Variants in ARHGEF5 observed in about 807,000 individuals in gnomAD.
ARHGEF5 encodes the protein Rho guanine nucleotide exchange factor 5, also known as Rho guanine nucleotide exchange factor (GEF) 5.
Under a neutral mutation model 104.0 loss-of-function variants are expected in ARHGEF5, and 11 were observed. The observed-to-expected ratio is 0.11, with a 90% CI of 0.07 to 0.18. ARHGEF5 has a LOEUF of 0.18. ARHGEF5 is among the 10% of genes least tolerant of loss of function. The pLI is 1.00. For synonymous variants in ARHGEF5, 60 were observed against 512.2 expected, an observed-to-expected ratio of 0.12 and a Z score of 11.92; for missense variants, 165 against 1,335.4, an observed-to-expected ratio of 0.12 and a Z score of 13.66.
chr7:144,379,934 C>G lies in ARHGEF5; in HGVS notation c.4672C>G (p.Arg1558Gly). 6.2e-7 allele frequency: 1 copy of G among 1,614,184 alleles called. No individual in the cohort carries two copies. The highest frequency in any genetic ancestry group is 8.5e-7 in the Non-Finnish European group (1 of 1,180,032). ...LEGVRLSDGE[R>G]GWFPVQQVEF... ...GGGCGTGAGGCTCTCAGACGGGGAG[C>G]GAGGCTGGTTTCCTGTGCAGCAGGT... The change falls in exon 15 of 15, where the codon CGA becomes GGA. Residue 1558 changes from arginine to glycine, a missense_variant. Arg to Gly is a moderately radical substitution (Grantham distance 125). Transcript: ENST00000056217.
Position 144,359,889 on chromosome 7 carries a change from G to A in ARHGEF5, c.-12-2769G>A, listed in dbSNP as rs143521912. Among the ~76,000 whole-genome samples, 824 of 144,360 alleles carry A rather than the reference G, an allele frequency of 5.7e-3. 6 individuals carry two copies. The highest frequency in any genetic ancestry group is 0.053 in the Admixed American group (725 of 13,702). 94.7% of individuals were successfully genotyped at this position (144,360 alleles called of 152,430 possible). A position where few individuals can be genotyped will look rare whatever the true frequency, so the allele number is the denominator to read the frequency against. On this transcript the variant is annotated intron_variant, in intron 1 of 14. Transcript: ENST00000056217. The stretch of plus-strand genomic sequence containing the variant: ...TGTATGGAGAAAGGACTGGAATAGC[G>A]TGAAATGGGTGGAGGCCAGTGCCCA...
At chr7:144,377,278 C>G (rs2053767789) in intron 13 of ARHGEF5, 88 bp downstream of exon 13, 2 of 1,551,770 alleles carry the variant, frequency 1.3e-6, no homozygotes, top group Non-Finnish European at 1.7e-6. Context: ...GGTGGGAACT[C>G]TAGGCTTTCA....
At chr7:144,362,582 CT>C (rs2053648326) in intron 1 of ARHGEF5, 75 bp from the exon 2 acceptor site, 1 of 879,026 alleles carries the variant, frequency 1.1e-6, no homozygotes, top group Non-Finnish European at 1.7e-6. Context: ...ATGCATCACT[CT>C]TCTTTTTTAT....
chr7:144,373,863 C>T (rs2053741088), intron 10 of ARHGEF5, among the ~76,000 whole-genome samples: 1 of 146,494 alleles, frequency 6.8e-6, no homozygotes, highest in Non-Finnish European at 1.5e-5. Context: ...TTTTTTTTGA[C>T]AGAGTCTCAC....
Position 144,380,073 on chromosome 7 carries a change from G to GT in ARHGEF5, c.*20dup. On this transcript the variant is annotated 3_prime_UTR_variant, in exon 15 of 15. Transcript: ENST00000056217. Reference sequence around the variant, plus strand: ...CAAGCCTAAGTCTTCTCTGAGAGGAGTTTCGTGAGCTGAAGAACAAGCTGC... The same window carrying GT: ...CAAGCCTAAGTCTTCTCTGAGAGGAGTTTTCGTGAGCTGAAGAACAAGCTGC... 6.2e-7 allele frequency: 1 copy of GT among 1,614,022 alleles called. No homozygotes were observed. The highest frequency in any genetic ancestry group is 8.5e-7 in the Non-Finnish European group (1 of 1,179,908).
rs1251933505 is a variant in ARHGEF5, at chr7:144,377,189, C to T, written c.4530C>T (p.Tyr1510=). The change falls in exon 13 of 15, where the codon TAC becomes TAT. Residue 1510 remains tyrosine (Y), a splice_region_variant and synonymous_variant. Transcript: ENST00000056217. The stretch of plus-strand genomic sequence containing the variant: ...AGGAGTTGGACCTTCTGGAGTGTTA[C>T]AGTGAGTGAGGGTCTAAGAGGGAGA... ...PREELDLLEC[Y]NSPQVQCLRA... is the part of the protein sequence containing the mutation. 3.4e-6 allele frequency: 5 copies of T among 1,474,756 alleles called. No individual in the cohort carries two copies. The African/African-American group carries it at 7.1e-5, about 21-fold the overall frequency. 91.4% of individuals were successfully genotyped at this position (1,474,756 alleles called of 1,614,324 possible).
Position 144,379,956 on chromosome 7 carries a change from A to T in ARHGEF5, c.4694A>T (p.Gln1565Leu). Residue 1565 changes from glutamine to leucine, a missense_variant, in exon 15 of 15, where the codon CAG (glutamine) becomes CTG (leucine). Coordinates refer to ENST00000056217, the MANE Select transcript of ARHGEF5 (RefSeq NM_005435.4). ...DGERGWFPVQ[Q>L]VEFISNPEVR... ...GAGCGAGGCTGGTTTCCTGTGCAGC[A>T]GGTGGAGTTCATTTCCAACCCAGAG... 1 of 1,614,210 alleles carries T rather than the reference A, an allele frequency of 6.2e-7. No homozygotes were observed. Among genetic ancestry groups the T allele is most frequent in the Non-Finnish European group, 8.5e-7 (1 of 1,180,030 alleles).
intron 10 of ARHGEF5, among the ~76,000 whole-genome samples, chr7:144,373,880 G>A (rs2266927): frequency 0.78 from 106,463 of 135,826 alleles, 39,557 homozygotes; most frequent in Middle Eastern, 0.86. Flanking sequence ...TCACTCTGTC[G>A]CCCCAGGCTA....
At chr7:144,379,034 G>T (rs1225964600) in intron 14 of ARHGEF5, among the ~76,000 whole-genome samples, 168 bp downstream of exon 14, 1 of 152,174 alleles carries the variant, frequency 6.6e-6, no homozygotes, top group African/African-American at 2.4e-5. Flanking sequence ...CCAAATCAAG[G>T]TGTGGGCAGA....
intron 1 of ARHGEF5, among the ~76,000 whole-genome samples, chr7:144,358,464 G>C (rs1410083824): frequency 1.7e-4 from 2 of 11,696 alleles, no homozygotes; most frequent in East Asian, 4.3e-3. Context: ...ATTATTCGAT[G>C]TGTGGTTGAG....
chr7:144,358,758 AGTGTGTGTGTGTGT>A lies in ARHGEF5; in HGVS notation c.-13+3288_-13+3301del, dbSNP rs71222348. ...TTGCAAGAGTTTGTAAGGATGGCTC[AGTGTGTGTGTGTGT>A]GTGTGTGTGTGTGTGTGTGTGTGTG... is the stretch of plus-strand genomic sequence containing the variant. On this transcript the variant is annotated intron_variant, in intron 1 of 14. Coordinates refer to ENST00000056217, the MANE Select transcript of ARHGEF5 (RefSeq NM_005435.4). Among the ~76,000 whole-genome samples the A allele has an allele frequency of 1.5e-4, 14 of 90,896 alleles. No individual in the cohort carries two copies. In the East Asian group the frequency reaches 1.7e-3, roughly 11 times the overall value. 59.6% of individuals were successfully genotyped at this position (90,896 alleles called of 152,430 possible).
At position 144,357,196 on chromosome 7, in the gene ARHGEF5, G is replaced by A. The variant is rs577385334; in HGVS notation, c.-13+1695G>A. 6.5e-4 allele frequency among the ~76,000 whole-genome samples: 82 copies of A among 126,140 alleles called. 2 individuals carry two copies. Among genetic ancestry groups the A allele is most frequent in the African/African-American group, 2.5e-3 (76 of 30,264 alleles). The allele number at this position is 126,140 out of a possible 152,430, so 82.8% of individuals were successfully genotyped here. A position where few individuals can be genotyped will look rare whatever the true frequency, so the allele number is the denominator to read the frequency against. On this transcript the variant is annotated intron_variant, in intron 1 of 14. Coordinates refer to ENST00000056217, the MANE Select transcript of ARHGEF5 (RefSeq NM_005435.4). The stretch of plus-strand genomic sequence containing the variant: ...AAGGTCTGTGTTAATACACAAACAC[G>A]TCACTCACACTAATGTTATCTGTGT...
At chr7:144,377,627 T>C (rs2053770476) in intron 13 of ARHGEF5, among the ~76,000 whole-genome samples, 1 of 152,082 alleles carries the variant, frequency 6.6e-6, no homozygotes, top group African/African-American at 2.4e-5. Context: ...TGGGTGCCCA[T>C]GGGGAGCCAC....
At position 144,365,400 on chromosome 7, in the gene ARHGEF5, TC is replaced by T; in HGVS notation, c.2733del (p.Thr912ProfsTer17). ...AGCTAGATCAACAGAGTCTTTCACT[TC>T]CACCAGCAGGAGTAAGAGCGAAGTG... Reference protein sequence around the residue: ...ATARSTESFTSTSRSKSEVSP... With the variant: ...ATARSTESFTXTSRSKSEVSP... On this transcript the variant is annotated frameshift_variant, in exon 2 of 15. Coordinates refer to ENST00000056217, the MANE Select transcript of ARHGEF5 (RefSeq NM_005435.4). LOFTEE classifies it high-confidence loss of function. 6.3e-7 allele frequency: 1 copy of T among 1,579,512 alleles called. No individual in the cohort carries two copies. Among genetic ancestry groups the T allele is most frequent in the Non-Finnish European group, 8.6e-7 (1 of 1,159,326 alleles).
chr7:144,378,205 C>A (rs2053775067), intron 13 of ARHGEF5, among the ~76,000 whole-genome samples: 1 of 152,166 alleles, frequency 6.6e-6, no homozygotes, highest in Non-Finnish European at 1.5e-5. Context: ...TGATCAATAA[C>A]CATCTTGATC....
chr7:144,361,393 A>G (rs1340038421), intron 1 of ARHGEF5, among the ~76,000 whole-genome samples: 6 of 138,246 alleles, frequency 4.3e-5, no homozygotes, highest in Non-Finnish European at 6.5e-5. Flanking sequence ...TCTTCTTTGG[A>G]ATTAACAACA....
At chr7:144,373,671 GC>G (rs1256565318) in intron 10 of ARHGEF5, among the ~76,000 whole-genome samples, 1 of 109,788 alleles carries the variant, frequency 9.1e-6, no homozygotes, top group African/African-American at 3.5e-5. Context: ...TTCAGGATGA[GC>G]CTTTATAAAA....
rs1731155 is a variant in ARHGEF5 at position 144,360,884 on chromosome 7, A to T, written c.-12-1774A>T. Among the ~76,000 whole-genome samples, 35 of 145,654 alleles carry T rather than the reference A, an allele frequency of 2.4e-4. 1 individual carries two copies. The highest frequency in any genetic ancestry group is 6.5e-4 in the South Asian group (3 of 4,624). On this transcript the variant is annotated intron_variant, in intron 1 of 14. Transcript: ENST00000056217. The stretch of plus-strand genomic sequence containing the variant: ...TAAATGCTACAAAGGAAAAGTAAAG[A>T]GAATTATAGTTGGTAAGTGCTACAA...
rs950847426 is a variant in ARHGEF5 at position 144,360,139 on chromosome 7, T to G, written c.-12-2519T>G. 3.4e-5 allele frequency among the ~76,000 whole-genome samples: 4 copies of G among 118,574 alleles called. 1 individual carries two copies. Among genetic ancestry groups the G allele is most frequent in the Non-Finnish European group, 5.4e-5 (3 of 55,552 alleles). The allele number at this position is 118,574 out of a possible 152,430, so 77.8% of individuals were successfully genotyped here. On this transcript the variant is annotated intron_variant, in intron 1 of 14. Coordinates refer to ENST00000056217, the MANE Select transcript of ARHGEF5 (RefSeq NM_005435.4). ...AGAGACAGAGTCTCACTCTGTCACC[T>G]AGGCTGGAGAGCAGTGATGTGATCT... is the stretch of plus-strand genomic sequence containing the variant.
Sources: gnomAD v4.1 joint callset for allele counts (sites outside exome capture counted in the v4.1 genomes callset) on GRCh38, gnomAD v4.1.1 for gene constraint, MANE v1.5 for transcripts, NCBI Gene and HGNC (gene_info 2026-07-23, HGNC 2026-07-21) for gene names.